Variants in PDE1A observed in about 807,000 individuals in gnomAD.
PDE1A encodes the protein phosphodiesterase 1A, also known as dual specificity calcium/calmodulin-dependent 3',5'-cyclic nucleotide phosphodiesterase 1A.
PDE1A carries 35 observed loss-of-function variants against 61.7 expected under a neutral mutation model. The observed-to-expected ratio is 0.57, with a 90% CI of 0.43 to 0.75. The LOEUF is 0.75. PDE1A is among the 30% of genes least tolerant of loss of function. PDE1A has a pLI of 0.00. For synonymous variants in PDE1A, 232 were observed against 213.2 expected (o/e 1.09, Z -0.77); for missense variants, 597 against 630.6 (o/e 0.95, Z 0.57).
At chr2:182,498,803 AC>A (rs1296296823) in intron 2 of PDE1A, among the ~76,000 whole-genome samples, 4 of 151,830 alleles carry the variant, frequency 2.6e-5, no homozygotes, top group African/African-American at 7.2e-5. Context: ...AATTAGCCGG[AC>A]GCGGTGGCGG....
chr2:182,461,377 A>G (rs141777137), intron 2 of PDE1A, among the ~76,000 whole-genome samples: 1,887 of 152,274 alleles, frequency 0.012, 22 homozygotes, highest in Middle Eastern at 0.027. Context: ...ATGATAAAGC[A>G]TGGATGTCTG....
chr2:182,678,423 C>CAGAAAAGAA, the PDE1A span, among the ~76,000 whole-genome samples: 1 of 151,730 alleles, frequency 6.6e-6, no homozygotes. Context: ...GGCTCTGTCT[C>CAGAAAAGAA]AGAAAAGAAA....
downstream of PDE1A, among the ~76,000 whole-genome samples, chr2:182,166,353 C>G (rs1691652390): frequency 6.6e-6 from 1 of 152,148 alleles, no homozygotes; most frequent in Admixed American, 6.5e-5. Flanking sequence ...GGGAGACACT[C>G]AGCTTGCTCT....
chr2:182,419,120 A>C (rs552423416), intron 1 of PDE1A, among the ~76,000 whole-genome samples: 1 of 152,282 alleles, frequency 6.6e-6, no homozygotes, highest in East Asian at 1.9e-4. Context: ...CATTTTAAGA[A>C]AGTATTTTCT....
the PDE1A span, among the ~76,000 whole-genome samples, chr2:182,571,759 A>G: frequency 1.3e-5 from 2 of 152,184 alleles, no homozygotes; most frequent in African/African-American, 2.4e-5. Context: ...AAAAGCTCAA[A>G]TAACTTTCAG....
chr2:182,409,509 G>C (rs1453094127), intron 1 of PDE1A, among the ~76,000 whole-genome samples: 2 of 152,170 alleles, frequency 1.3e-5, no homozygotes, highest in Non-Finnish European at 2.9e-5. Flanking sequence ...CATTCTAGTG[G>C]AGAGGGCAGA....
At chr2:182,162,132 T>C (rs1691416631) in intron 13 of PDE1A, among the ~76,000 whole-genome samples, 1 of 152,174 alleles carries the variant, frequency 6.6e-6, no homozygotes, top group African/African-American at 2.4e-5. Flanking sequence ...AGCACCAGCA[T>C]CCTTAAAGAT....
the PDE1A span, among the ~76,000 whole-genome samples, chr2:182,661,947 T>C: frequency 6.6e-6 from 1 of 151,886 alleles, no homozygotes; most frequent in Non-Finnish European, 1.5e-5. Flanking sequence ...CTGATACAGT[T>C]TCAACTAAAA....
At chr2:182,165,028 A>C (rs1691583555), downstream of PDE1A, among the ~76,000 whole-genome samples, 1 of 152,120 alleles carries the variant, frequency 6.6e-6, no homozygotes, top group African/African-American at 2.4e-5. Flanking sequence ...CATTCTCCTG[A>C]AGAAGCTGGC....
chr2:182,594,020 T>C, the PDE1A span, among the ~76,000 whole-genome samples: 1 of 152,206 alleles, frequency 6.6e-6, no homozygotes, highest in Non-Finnish European at 1.5e-5. Flanking sequence ...TATTAGTAAT[T>C]AAACTTATAA....
the PDE1A span, among the ~76,000 whole-genome samples, chr2:182,713,904 G>A: frequency 2.6e-5 from 4 of 152,124 alleles, no homozygotes; most frequent in Non-Finnish European, 4.4e-5. Context: ...CCAATCTTTA[G>A]TCTACTACAA....
chr2:182,465,608 T>C (rs1686606845), intron 2 of PDE1A, among the ~76,000 whole-genome samples: 2 of 152,090 alleles, frequency 1.3e-5, no homozygotes, highest in African/African-American at 4.8e-5. Flanking sequence ...CTATCTAAAT[T>C]ACTCCATAAA....
the PDE1A span, among the ~76,000 whole-genome samples, chr2:182,702,467 C>T: frequency 6.6e-6 from 1 of 151,958 alleles, no homozygotes; most frequent in African/African-American, 2.4e-5. Flanking sequence ...GGTGAAGGAC[C>T]CAAAGATGAA....
At chr2:182,568,502 TA>T in the PDE1A span, among the ~76,000 whole-genome samples, 2 of 151,908 alleles carry the variant, frequency 1.3e-5, no homozygotes, top group Non-Finnish European at 2.9e-5. Context: ...CCATCTCTAC[TA>T]AAAATACAGA....
chr2:182,529,389 T>A, the PDE1A span, among the ~76,000 whole-genome samples: 6 of 152,234 alleles, frequency 3.9e-5, no homozygotes, highest in Non-Finnish European at 8.8e-5. Flanking sequence ...TTGGAACAGT[T>A]ATATTTACCC....
chr2:182,394,240 CG>C (rs373161317), intron 1 of PDE1A, among the ~76,000 whole-genome samples: 1 of 152,078 alleles, frequency 6.6e-6, no homozygotes, highest in East Asian at 1.9e-4. Context: ...TGTTAGGTTG[CG>C]GGGGGCCTCA....
chr2:182,281,509 A>G (rs1035084739), intron 1 of PDE1A, among the ~76,000 whole-genome samples: 1 of 151,842 alleles, frequency 6.6e-6, no homozygotes, highest in African/African-American at 2.4e-5. Flanking sequence ...CTCAATCCAA[A>G]CTCCAATAAT....
the PDE1A span, among the ~76,000 whole-genome samples, chr2:182,657,957 T>A: frequency 2.2e-5 from 3 of 137,250 alleles, no homozygotes; most frequent in African/African-American, 8.2e-5. Context: ...AAAATGGGAA[T>A]AATATCTACC....
intron 1 of PDE1A, among the ~76,000 whole-genome samples, chr2:182,315,063 C>A (rs1022892937): frequency 2.0e-5 from 3 of 152,098 alleles, no homozygotes; most frequent in African/African-American, 7.2e-5. Context: ...CTCAAAAAAT[C>A]ATCATAGAAT....
Sources: gnomAD v4.1 joint callset for allele counts (sites outside exome capture counted in the v4.1 genomes callset) on GRCh38, gnomAD v4.1.1 for gene constraint, MANE v1.5 for transcripts, NCBI Gene and HGNC (gene_info 2026-07-23, HGNC 2026-07-21) for gene names.